LIMD1: variants seen among roughly 807,000 people sequenced by gnomAD.
LIMD1 encodes LIM domain containing 1.
Under a neutral mutation model 58.4 loss-of-function variants are expected in LIMD1, and 23 were observed. The observed-to-expected ratio is 0.39, with a 90% CI of 0.28 to 0.56. The LOEUF (loss-of-function observed/expected upper bound fraction) is 0.56, where lower values mean the gene tolerates loss of function less well. Ranked by LOEUF, LIMD1 falls within the 20% of genes least tolerant of loss-of-function variation. The pLI is 0.57. For synonymous variants in LIMD1, 334 were observed against 345.5 expected (o/e 0.97, Z 0.37); for missense variants, 838 against 855.5 (o/e 0.98, Z 0.25).
At position 45,631,310 on chromosome 3, in the gene LIMD1, A is replaced by G. The variant is rs540815394; in HGVS notation, c.1409-4840A>G. On this transcript the variant is annotated intron_variant, in intron 1 of 7. Coordinates refer to ENST00000273317, the MANE Select transcript of LIMD1 (RefSeq NM_014240.3). Reference sequence around the variant, plus strand: ...AGAGTGAGACTCTCTCAAAAAAAAAACAAAGAAAGAAATCTCCAAGTCCAG... The same window carrying G: ...AGAGTGAGACTCTCTCAAAAAAAAAGCAAAGAAAGAAATCTCCAAGTCCAG... 2.6e-5 allele frequency among the ~76,000 whole-genome samples: 4 copies of G among 152,084 alleles called. No individual in the cohort carries two copies. The South Asian group carries it at 8.3e-4, about 32-fold the overall frequency.
chr3:45,595,579 C>G lies in LIMD1; in HGVS notation c.700C>G (p.Leu234Val). Reference sequence around the variant, plus strand: ...TCCCCTAAATCACCGACAGCTCTCCCTGAGCTCCAGCAGGTCTTCTGAGGG... The same window carrying G: ...TCCCCTAAATCACCGACAGCTCTCCGTGAGCTCCAGCAGGTCTTCTGAGGG... ...DHPLNHRQLS[L>V]SSSRSSEGSL... Residue 234 changes from leucine (L) to valine (V), a missense_variant, in exon 1 of 8, where the codon CTG (leucine) becomes GTG (valine). By Grantham distance (32) the Leu-to-Val change is conservative. Coordinates refer to ENST00000273317, the MANE Select transcript of LIMD1 (RefSeq NM_014240.3). 6.2e-7 allele frequency: 1 copy of G among 1,614,134 alleles called. No homozygotes were observed. Among genetic ancestry groups the G allele is most frequent in the Non-Finnish European group, 8.5e-7 (1 of 1,180,030 alleles).
In LIMD1 at chr3:45,676,402, T is replaced by C. The variant is rs988946220; in HGVS notation, c.1894-520T>C. On this transcript the variant is annotated intron_variant, in intron 7 of 7. Coordinates refer to ENST00000273317, the MANE Select transcript of LIMD1 (RefSeq NM_014240.3). Reference sequence around the variant, plus strand: ...ATTACATAGATATATGTTGTACGTGTGCCAGGGTGGTTTGCTGCACCTATT... The same window carrying C: ...ATTACATAGATATATGTTGTACGTGCGCCAGGGTGGTTTGCTGCACCTATT... Among the ~76,000 whole-genome samples, 4 of 151,800 alleles carry C rather than the reference T, an allele frequency of 2.6e-5. No individual in the cohort carries two copies. In the South Asian group the frequency reaches 6.2e-4, roughly 24 times the overall value.
At chr3:45,645,586 C>T (rs1290229049) in intron 2 of LIMD1, among the ~76,000 whole-genome samples, 1 of 152,150 alleles carries the variant, frequency 6.6e-6, no homozygotes, top group Admixed American at 6.5e-5. Context: ...AAGAGCACTC[C>T]AGTACGCCAG....
At chr3:45,671,295 T>C (rs922099021) in intron 4 of LIMD1, among the ~76,000 whole-genome samples, 1 of 152,210 alleles carries the variant, frequency 6.6e-6, no homozygotes, top group African/African-American at 2.4e-5. Context: ...TGTGGAGTTA[T>C]CCGCCTGAGG....
rs1447174898 is a variant in LIMD1 at position 45,596,048 on chromosome 3, A to T, written c.1169A>T (p.His390Leu). ...GPKLSPTSLV[H>L]PVMSTLPELS... ...AAGCTCAGCCCCACCAGTCTTGTCCATCCAGTGATGTCCACCCTGCCTGAG... is the reference window on the plus strand; with the variant it reads ...AAGCTCAGCCCCACCAGTCTTGTCCTTCCAGTGATGTCCACCCTGCCTGAG... The change falls in exon 1 of 8, where the codon CAT (histidine) becomes CTT (leucine). Residue 390 changes from histidine (H) to leucine (L), a missense_variant. Coordinates refer to ENST00000273317, the MANE Select transcript of LIMD1 (RefSeq NM_014240.3). 6.2e-7 allele frequency: 1 copy of T among 1,614,190 alleles called. No homozygotes were observed. Among genetic ancestry groups the T allele is most frequent in the Non-Finnish European group, 8.5e-7 (1 of 1,180,046 alleles).
chr3:45,636,140 G>A lies in LIMD1; in HGVS notation c.1409-10G>A, dbSNP rs769163551. The stretch of plus-strand genomic sequence containing the variant: ...CTCCTGACTCACTGATGTTTCTCTT[G>A]TCCTGCAAGGAGCCTGTGTGAAATG... On this transcript the variant is annotated splice_polypyrimidine_tract_variant and intron_variant, in intron 1 of 7. Transcript: ENST00000273317. The A allele has an allele frequency of 3.1e-6, 5 of 1,612,376 alleles. No individual in the cohort carries two copies. Among genetic ancestry groups the A allele is most frequent in the South Asian group, 1.1e-5 (1 of 90,884 alleles).
rs1047983926 is a variant in LIMD1 at position 45,679,575 on chromosome 3, T to G, written c.*2516T>G. 12 of 152,344 alleles carry G rather than the reference T, an allele frequency of 7.9e-5. No homozygotes were observed. The highest frequency in any genetic ancestry group is 2.0e-4 in the Admixed American group (3 of 15,304). 9.4% of individuals were successfully genotyped at this position (152,344 alleles called of 1,614,324 possible). A position where few individuals can be genotyped will look rare whatever the true frequency, so the allele number is the denominator to read the frequency against. ...TGAATAGCCCTTCTGGGTTTTCTTT[T>G]TGACAATTCTTGGACTTGAGGTAAA... On this transcript the variant is annotated 3_prime_UTR_variant, in exon 8 of 8. Transcript: ENST00000273317.
intron 1 of LIMD1, among the ~76,000 whole-genome samples, chr3:45,622,040 C>A (rs868489092): frequency 1.8e-4 from 26 of 147,652 alleles, no homozygotes; most frequent in Non-Finnish European, 3.3e-4. Context: ...TCCAGTCTGG[C>A]GACAGAGCGA....
intron 7 of LIMD1, among the ~76,000 whole-genome samples, chr3:45,675,914 A>G (rs1356714156): frequency 1.3e-5 from 2 of 152,116 alleles, no homozygotes; most frequent in Admixed American, 6.5e-5. Context: ...GGATCGTGTC[A>G]CTGCACTCTA....
intron 1 of LIMD1, among the ~76,000 whole-genome samples, chr3:45,617,613 A>T (rs987982061): frequency 6.6e-6 from 1 of 152,164 alleles, no homozygotes; most frequent in Non-Finnish European, 1.5e-5. Context: ...TGTTTTGAAG[A>T]TGCGAAAACT....
At position 45,668,650 on chromosome 3, in the gene LIMD1, G is replaced by C. The variant is rs542140705; in HGVS notation, c.1641+294G>C. 2.6e-5 allele frequency among the ~76,000 whole-genome samples: 4 copies of C among 152,094 alleles called. No homozygotes were observed. In the East Asian group the frequency reaches 7.7e-4, roughly 29 times the overall value. ...TGCCTGTAGTCCCAGCTACTTGAGAGGCCAAGGCAGGAGAATTGTTTGAAC... is the reference window on the plus strand; with the variant it reads ...TGCCTGTAGTCCCAGCTACTTGAGACGCCAAGGCAGGAGAATTGTTTGAAC... On this transcript the variant is annotated intron_variant, in intron 4 of 7. Transcript: ENST00000273317.
intron 1 of LIMD1, among the ~76,000 whole-genome samples, chr3:45,627,773 C>T (rs557442149): frequency 7.4e-4 from 112 of 150,650 alleles, no homozygotes; most frequent in Non-Finnish European, 1.2e-3. Flanking sequence ...TTTGGGAGGC[C>T]GAGGCGGGTG....
At chr3:45,634,385 A>G (rs1701766189) in intron 1 of LIMD1, among the ~76,000 whole-genome samples, 1 of 152,118 alleles carries the variant, frequency 6.6e-6, no homozygotes. Flanking sequence ...CTGGGCTGCT[A>G]CTGTAGGGGT....
chr3:45,637,838 T>A (rs1431629966), intron 2 of LIMD1, among the ~76,000 whole-genome samples: 1 of 152,244 alleles, frequency 6.6e-6, no homozygotes, highest in Non-Finnish European at 1.5e-5. Flanking sequence ...CACTGCAATT[T>A]GCCTTAGAAC....
intron 1 of LIMD1, among the ~76,000 whole-genome samples, chr3:45,619,868 A>G (rs1030365468): frequency 8.3e-6 from 1 of 120,250 alleles, no homozygotes; most frequent in African/African-American, 3.2e-5. Context: ...TGGGCATCCT[A>G]TATTTTATCT....
chr3:45,605,292 G>A (rs1201506111), intron 1 of LIMD1, among the ~76,000 whole-genome samples: 1 of 152,278 alleles, frequency 6.6e-6, no homozygotes, highest in Admixed American at 6.5e-5. Flanking sequence ...AGGCCAAGCG[G>A]CCTGGCATCC....
intron 2 of LIMD1, among the ~76,000 whole-genome samples, chr3:45,644,978 G>A (rs188796904): frequency 3.6e-4 from 55 of 152,346 alleles, no homozygotes; most frequent in Middle Eastern, 3.4e-3. Context: ...CTGTCGAATT[G>A]TCCGAATATT....
At chr3:45,605,786 G>A (rs959720932) in intron 1 of LIMD1, among the ~76,000 whole-genome samples, 1 of 152,242 alleles carries the variant, frequency 6.6e-6, no homozygotes, top group African/African-American at 2.4e-5. Context: ...GGGAGCTCTG[G>A]TTTGTGGCGT....
chr3:45,653,282 G>A (rs1269188814), intron 2 of LIMD1, among the ~76,000 whole-genome samples: 2 of 152,188 alleles, frequency 1.3e-5, no homozygotes, highest in African/African-American at 4.8e-5. Flanking sequence ...GCTCTGGTGG[G>A]TGTCATTTGA....
Sources: gnomAD v4.1 joint callset for allele counts (sites outside exome capture counted in the v4.1 genomes callset) on GRCh38, gnomAD v4.1.1 for gene constraint, MANE v1.5 for transcripts, NCBI Gene and HGNC (gene_info 2026-07-23, HGNC 2026-07-21) for gene names.